ASPSCR1: variants seen among roughly 807,000 people sequenced by gnomAD.
ASPSCR1 encodes tether containing UBX domain for GLUT4.
In ASPSCR1, 55 loss-of-function variants were observed where a neutral mutation model predicts 68.9. The ratio of observed to expected loss-of-function variants is 0.80; its 90% CI spans 0.64 to 1.00. The LOEUF (loss-of-function observed/expected upper bound fraction) is 1.00, where lower values mean the gene tolerates loss of function less well. ASPSCR1 is among the 50% of genes least tolerant of loss of function. ASPSCR1 has a pLI of 0.00. For synonymous variants in ASPSCR1, 352 were observed against 332.6 expected (o/e 1.06, Z -0.63); for missense variants, 765 against 762.2 (o/e 1.00, Z -0.04).
At chr17:82,012,415 G>C in intron 12 of ASPSCR1, 132 bp downstream of exon 12, 1 of 1,113,204 alleles carries the variant, frequency 9.0e-7, no homozygotes, top group Non-Finnish European at 1.3e-6. Context: ...TTTGAGAGCC[G>C]GTGGGTTCCG....
At chr17:81,984,136 G>A (rs948315244) in intron 3 of ASPSCR1, among the ~76,000 whole-genome samples, 5 of 152,088 alleles carry the variant, frequency 3.3e-5, no homozygotes, top group African/African-American at 1.2e-4. Context: ...GATTGCAGGC[G>A]TGAGCCTCTG....
rs373929219 is a variant in ASPSCR1 at position 81,983,572 on chromosome 17, C to T, written c.177C>T (p.Leu59=). ...EYDLKFQRSV[L]DLSLQWRFAN... is the part of the protein sequence containing the mutation. The stretch of plus-strand genomic sequence containing the variant: ...CTTGCAGGTTTCAGAGGAGCGTGCT[C>T]GACCTTTCTCTCCAGTGGAGATTTG... Residue 59 remains leucine, a synonymous_variant, in exon 3 of 16, where the codon CTC becomes CTT. Transcript: ENST00000306739. This position sits in a 1 kb window ranked among gnomAD's most constrained non-coding sequence, Gnocchi z 4.4. The T allele has an allele frequency of 1.1e-5, 17 of 1,612,822 alleles. No individual in the cohort carries two copies. Among genetic ancestry groups the T allele is most frequent in the Middle Eastern group, 1.6e-4 (1 of 6,082 alleles).
In ASPSCR1 at chr17:82,010,258, G is replaced by A. The variant is rs998767719; in HGVS notation, c.1171-544G>A. ...TAAACAGCACATTTGAGCCGGGCGTGGTGGCTCACGCCTGTAATCCCAGCA... is the reference window on the plus strand; with the variant it reads ...TAAACAGCACATTTGAGCCGGGCGTAGTGGCTCACGCCTGTAATCCCAGCA... On this transcript the variant is annotated intron_variant, in intron 9 of 15. Transcript: ENST00000306739. Among the ~76,000 whole-genome samples, 7 of 150,754 alleles carry A rather than the reference G, an allele frequency of 4.6e-5. No individual in the cohort carries two copies. The East Asian group carries it at 6.1e-4, about 13-fold the overall frequency.
At chr17:82,015,246 C>T in intron 12 of ASPSCR1, 1 of 1,598,290 alleles carries the variant, frequency 6.3e-7, no homozygotes, top group Non-Finnish European at 8.5e-7. Flanking sequence ...AAGCACTGGT[C>T]AGCCTCCATG....
At chr17:82,005,337 C>T (rs112762055) in intron 7 of ASPSCR1, 4 of 152,280 alleles carry the variant, frequency 2.6e-5, no homozygotes, top group African/African-American at 7.2e-5. Context: ...AGTGGTCCCC[C>T]GGCTCTTGCT....
intron 12 of ASPSCR1, 131 bp from the exon 13 acceptor site, chr17:82,016,345 C>G (rs2043125265): frequency 1.2e-6 from 1 of 803,630 alleles, no homozygotes; most frequent in Non-Finnish European, 1.9e-6. Flanking sequence ...GGGCGATGGG[C>G]TCATGGGGGC....
chr17:82,002,016 T>A (rs1174451479), intron 7 of ASPSCR1, among the ~76,000 whole-genome samples: 1 of 139,924 alleles, frequency 7.1e-6, no homozygotes. Context: ...TTTTTTTTTT[T>A]TTTTTTTTTG....
intron 4 of ASPSCR1, among the ~76,000 whole-genome samples, chr17:81,994,297 A>G (rs1359283712): frequency 6.6e-6 from 1 of 152,206 alleles, no homozygotes; most frequent in African/African-American, 2.4e-5. Flanking sequence ...AGCGGGCGTG[A>G]GCGGAGTGCA....
chr17:81,999,642 A>C lies in ASPSCR1; in HGVS notation c.933+2796A>C, dbSNP rs1216669147. ...ACTCCATCTCAAAAAAAAAAAAAAA[A>C]AAGAAAACAAGAAGTGGCCAGGAGG... On this transcript the variant is annotated intron_variant, in intron 7 of 15. Coordinates refer to ENST00000306739, the MANE Select transcript of ASPSCR1 (RefSeq NM_024083.4). This position sits in a 1 kb window ranked among gnomAD's most constrained non-coding sequence, Gnocchi z 4.4. Among the ~76,000 whole-genome samples, 3 of 151,770 alleles carry C rather than the reference A, an allele frequency of 2.0e-5. No individual in the cohort carries two copies. The highest frequency in any genetic ancestry group is 2.9e-5 in the Non-Finnish European group (2 of 67,912).
intron 10 of ASPSCR1, 23 bp downstream of exon 10, chr17:82,010,891 C>T (rs549530603): frequency 5.6e-6 from 9 of 1,608,714 alleles, no homozygotes; most frequent in African/African-American, 2.7e-5. Flanking sequence ...GTGGGGTGTC[C>T]GGGGATGGGG....
chr17:82,004,099 G>A (rs2042626042), intron 7 of ASPSCR1, among the ~76,000 whole-genome samples: 1 of 152,202 alleles, frequency 6.6e-6, no homozygotes, highest in African/African-American at 2.4e-5. Context: ...ATCACATCCT[G>A]GAAAATTACT....
rs1267446204 is a variant in ASPSCR1 at position 81,977,832 on chromosome 17, T to G, written c.102+84T>G. The stretch of plus-strand genomic sequence containing the variant: ...CCGCCCATTGCGGTCGGCGTCCCGG[T>G]GTTCGGGGGCGGGGCCTCGGCGGCC... On this transcript the variant is annotated intron_variant, in intron 1 of 15. Coordinates refer to ENST00000306739, the MANE Select transcript of ASPSCR1 (RefSeq NM_024083.4). This position sits in a 1 kb window ranked among gnomAD's most constrained non-coding sequence, Gnocchi z 5.0. The G allele has an allele frequency of 1.9e-6, 2 of 1,053,132 alleles. No individual in the cohort carries two copies. Among genetic ancestry groups the G allele is most frequent in the African/African-American group, 1.7e-5 (1 of 59,248 alleles). The allele number at this position is 1,053,132 out of a possible 1,614,324, so 65.2% of individuals were successfully genotyped here.
intron 4 of ASPSCR1, among the ~76,000 whole-genome samples, chr17:81,993,011 G>A (rs1202442572): frequency 6.6e-6 from 1 of 152,164 alleles, no homozygotes; most frequent in African/African-American, 2.4e-5. Flanking sequence ...TCGGGGCCTG[G>A]GTGGGAAAGG....
chr17:82,008,607 T>G, intron 7 of ASPSCR1: 3 of 162,574 alleles, frequency 1.8e-5, no homozygotes, highest in Non-Finnish European at 1.3e-5. Flanking sequence ...CAGGCGTGCA[T>G]GGATTCAGCC....
intron 3 of ASPSCR1, among the ~76,000 whole-genome samples, chr17:81,984,764 T>A (rs1325523501): frequency 6.6e-6 from 1 of 151,358 alleles, no homozygotes; most frequent in Non-Finnish European, 1.5e-5. Context: ...CTGTGGCGCC[T>A]GCATGTACCC....
In ASPSCR1 at chr17:81,996,081, C is replaced by G; in HGVS notation, c.506+16C>G. ...CCACCATCAGGTAAGGGCAGTGCTG[C>G]TGGGGCCGAGGAGTCTATTTAGCTA... On this transcript the variant is annotated intron_variant, in intron 6 of 15. Coordinates refer to ENST00000306739, the MANE Select transcript of ASPSCR1 (RefSeq NM_024083.4). 6.3e-7 allele frequency: 1 copy of G among 1,592,852 alleles called. No individual in the cohort carries two copies. The highest frequency in any genetic ancestry group is 8.5e-7 in the Non-Finnish European group (1 of 1,171,690).
intron 4 of ASPSCR1, among the ~76,000 whole-genome samples, chr17:81,992,025 T>C (rs1041585333): frequency 2.0e-5 from 3 of 152,248 alleles, no homozygotes; most frequent in Admixed American, 2.0e-4. Context: ...CCCGCTGGCT[T>C]CTGGCCCTGG....
Position 81,994,796 on chromosome 17 carries a change from G to A in ASPSCR1, c.375-25G>A, listed in dbSNP as rs2042281254. 4 of 1,611,804 alleles carry A rather than the reference G, an allele frequency of 2.5e-6. No homozygotes were observed. In the Admixed American group the frequency reaches 6.7e-5, roughly 27 times the overall value. Reference sequence around the variant, plus strand: ...CTGGTTGAGCTGCCCTGGGGTACCTGATGGTTTCTTTCCTCTCCTCCCAGG... The same window carrying A: ...CTGGTTGAGCTGCCCTGGGGTACCTAATGGTTTCTTTCCTCTCCTCCCAGG... On this transcript the variant is annotated intron_variant, in intron 4 of 15. Transcript: ENST00000306739.
intron 4 of ASPSCR1, among the ~76,000 whole-genome samples, chr17:81,994,442 G>T (rs1206058707): frequency 6.6e-6 from 1 of 152,214 alleles, no homozygotes; most frequent in Non-Finnish European, 1.5e-5. Context: ...TGACTCTCAG[G>T]CTCCTGAGTA....
Sources: allele counts gnomAD v4.1 joint callset (sites outside exome capture counted in the v4.1 genomes callset), GRCh38; gene constraint gnomAD v4.1.1; non-coding constraint Gnocchi (gnomAD v3.1); transcripts MANE v1.5; gene names NCBI Gene and HGNC (gene_info 2026-07-23, HGNC 2026-07-21).